The following BCKDHB variants were observed in gnomAD, a reference collection of about 807,000 sequenced individuals.
BCKDHB encodes the protein 2-oxoisovalerate dehydrogenase subunit beta, mitochondrial.
Under a neutral mutation model 48.5 loss-of-function variants are expected in BCKDHB, and 41 were observed. The observed-to-expected ratio is 0.85, with a 90% confidence interval of 0.66 to 1.10. The LOEUF (loss-of-function observed/expected upper bound fraction) is 1.10. Ranked by LOEUF, BCKDHB falls within the 50% of genes least tolerant of loss-of-function variation. The pLI, the probability that BCKDHB is intolerant of heterozygous loss-of-function variation, is 0.00. For missense variants in BCKDHB, 496 were observed against 494.2 expected (o/e 1.00, Z -0.03); for synonymous variants, 201 against 174.8 (o/e 1.15, Z -1.18).
intron 8 of BCKDHB, among the ~76,000 whole-genome samples, chr6:80,231,881 C>A (rs781214439): frequency 6.6e-6 from 1 of 152,158 alleles, no homozygotes; most frequent in African/African-American, 2.4e-5. Context: ...AGGAGAATTG[C>A]TTGAACCCAG....
At chr6:80,135,258 A>G (rs547960942) in intron 3 of BCKDHB, among the ~76,000 whole-genome samples, 80 of 152,130 alleles carry the variant, frequency 5.3e-4, no homozygotes, top group African/African-American at 1.9e-3. Flanking sequence ...AATCTGTGAG[A>G]TGGGGGTTTG....
At chr6:80,244,213 G>A (rs1421776944) in intron 8 of BCKDHB, among the ~76,000 whole-genome samples, 7 of 152,174 alleles carry the variant, frequency 4.6e-5, no homozygotes, top group Admixed American at 6.5e-5. Context: ...GAGATGGAAG[G>A]GCACAGTCTG....
chr6:80,392,362 A>ATTTTT, the BCKDHB span, among the ~76,000 whole-genome samples: 5 of 146,076 alleles, frequency 3.4e-5, no homozygotes, highest in African/African-American at 1.3e-4. Flanking sequence ...TTAGGGCTGT[A>ATTTTT]TTTTTTTTTT....
At chr6:80,385,586 G>A in the BCKDHB span, among the ~76,000 whole-genome samples, 1 of 152,140 alleles carries the variant, frequency 6.6e-6, no homozygotes, top group Non-Finnish European at 1.5e-5. Context: ...GATAAACCCT[G>A]CACTGCCTGA....
intron 6 of BCKDHB, among the ~76,000 whole-genome samples, chr6:80,199,382 C>T (rs954192650): frequency 6.6e-6 from 1 of 152,028 alleles, no homozygotes; most frequent in Admixed American, 6.6e-5. Flanking sequence ...ATTCTTCTGT[C>T]CTTTTTGAAT....
chr6:80,440,450 A>G, the BCKDHB span, among the ~76,000 whole-genome samples: 1 of 152,098 alleles, frequency 6.6e-6, no homozygotes, highest in South Asian at 2.1e-4. Context: ...CTTTTGCAAG[A>G]TCCCTGATGG....
At chr6:80,401,938 C>A in the BCKDHB span, among the ~76,000 whole-genome samples, 3 of 151,646 alleles carry the variant, frequency 2.0e-5, no homozygotes, top group Non-Finnish European at 4.4e-5. Flanking sequence ...TTTTTAAAAG[C>A]TAAATAATAT....
intron 9 of BCKDHB, among the ~76,000 whole-genome samples, chr6:80,302,653 A>G (rs1210027464): frequency 6.6e-6 from 1 of 152,160 alleles, no homozygotes; most frequent in Admixed American, 6.5e-5. Context: ...GTGCAAACCA[A>G]ATGAGCTTGA....
At position 80,294,327 on chromosome 6, in the gene BCKDHB, G is replaced by T. The variant is rs572478684; in HGVS notation, c.1038+21106G>T. 4.6e-5 allele frequency among the ~76,000 whole-genome samples: 7 copies of T among 152,280 alleles called. No individual in the cohort carries two copies. The South Asian group carries it at 6.2e-4, about 14-fold the overall frequency. The stretch of plus-strand genomic sequence containing the variant: ...GGATATACTTCACCTCAGGACCATG[G>T]TGATAATTGTGTTAACTGTACAAAT... On this transcript the variant is annotated intron_variant, in intron 9 of 9. Transcript: ENST00000320393.
chr6:80,428,754 G>A, the BCKDHB span, among the ~76,000 whole-genome samples: 1 of 151,956 alleles, frequency 6.6e-6, no homozygotes, highest in Non-Finnish European at 1.5e-5. Context: ...TAAGTTCTTT[G>A]TAGATTCTGG....
intron 8 of BCKDHB, among the ~76,000 whole-genome samples, chr6:80,270,922 T>C (rs1348041544): frequency 6.6e-6 from 1 of 152,158 alleles, no homozygotes; most frequent in African/African-American, 2.4e-5. Flanking sequence ...ATAACATGTA[T>C]TTTTAAATGT....
At chr6:80,329,287 C>T (rs1054518676) in intron 9 of BCKDHB, among the ~76,000 whole-genome samples, 9 of 152,062 alleles carry the variant, frequency 5.9e-5, no homozygotes, top group Admixed American at 2.0e-4. Context: ...CATGAAATTA[C>T]AAAAACATAG....
At chr6:80,174,368 A>C (rs894875281) in intron 6 of BCKDHB, among the ~76,000 whole-genome samples, 1 of 152,104 alleles carries the variant, frequency 6.6e-6, no homozygotes, top group Non-Finnish European at 1.5e-5. Context: ...ATGCAGTACT[A>C]TCGTTCCTCA....
In BCKDHB at chr6:80,144,093, T is replaced by G. The variant is rs147879959; in HGVS notation, c.343+14864T>G. 1.7e-3 allele frequency among the ~76,000 whole-genome samples: 265 copies of G among 152,266 alleles called. 1 individual carries two copies. Among genetic ancestry groups the G allele is most frequent in the African/African-American group, 6.0e-3 (251 of 41,568 alleles). On this transcript the variant is annotated intron_variant, in intron 3 of 9. Coordinates refer to ENST00000320393, the MANE Select transcript of BCKDHB (RefSeq NM_183050.4). ...GCATTTCTTTCTTTAAAAAAGTGGA[T>G]GTTCCTCAAAACTCAAAAGGAAACT...
intron 8 of BCKDHB, among the ~76,000 whole-genome samples, chr6:80,237,990 G>T (rs688442): frequency 0.87 from 132,482 of 152,282 alleles, 57,899 homozygotes; most frequent in East Asian, 0.99. Flanking sequence ...AACTTAAATA[G>T]GTTTTTTAAA....
chr6:80,114,500 T>A (rs1769581090), intron 1 of BCKDHB, among the ~76,000 whole-genome samples: 1 of 151,954 alleles, frequency 6.6e-6, no homozygotes, highest in South Asian at 2.1e-4. Context: ...CCTCTTGCTT[T>A]GGCCTCCCGA....
chr6:80,273,498 A>G (rs2127965594), intron 9 of BCKDHB, among the ~76,000 whole-genome samples: 1 of 152,266 alleles, frequency 6.6e-6, no homozygotes. Context: ...GAATGAGTCT[A>G]CTAAATTAAC....
chr6:80,127,567 C>A lies in BCKDHB; in HGVS notation c.217C>A (p.Leu73Ile). The change falls in exon 2 of 10, where the codon CTT (leucine) becomes ATT (isoleucine). Residue 73 changes from leucine to isoleucine, a missense_variant. By Grantham distance (5) the Leu-to-Ile change is conservative. Coordinates refer to ENST00000320393, the MANE Select transcript of BCKDHB (RefSeq NM_183050.4). ...REYGQTQKMNLFQSVTSALDN... is the reference protein window; with the variant it reads ...REYGQTQKMNIFQSVTSALDN... ...CACAGGGCAAACTCAGAAAATGAAT[C>A]TTTTCCAGTCTGTAACAAGTGCCTT... is the stretch of plus-strand genomic sequence containing the variant. 6.2e-7 allele frequency: 1 copy of A among 1,612,986 alleles called. No homozygotes were observed. The highest frequency in any genetic ancestry group is 8.5e-7 in the Non-Finnish European group (1 of 1,179,336).
chr6:80,230,141 C>G (rs983032484), intron 8 of BCKDHB, among the ~76,000 whole-genome samples: 16 of 140,044 alleles, frequency 1.1e-4, no homozygotes, highest in African/African-American at 4.1e-4. Flanking sequence ...TGGGTTCATG[C>G]CATTCTCCTG....
Sources: allele counts gnomAD v4.1 joint callset (sites outside exome capture counted in the v4.1 genomes callset), GRCh38; gene constraint gnomAD v4.1.1; transcripts MANE v1.5; gene names NCBI Gene and HGNC (gene_info 2026-07-23, HGNC 2026-07-21).